NCOA3: variants seen among roughly 807,000 people sequenced by gnomAD.
The protein encoded by NCOA3 is nuclear receptor coactivator 3.
In NCOA3, 51 loss-of-function variants were observed where a neutral mutation model predicts 158.8. The ratio of observed to expected loss-of-function variants is 0.32; its 90% CI spans 0.26 to 0.41. The LOEUF is 0.41. NCOA3 is among the 10% of genes least tolerant of loss of function. The pLI, the probability that NCOA3 is intolerant of heterozygous loss-of-function variation, is 1.00. For synonymous variants in NCOA3, 537 were observed against 592.4 expected (o/e 0.91, Z 1.36); for missense variants, 1,510 against 1,746.6 (o/e 0.86, Z 2.41).
chr20:47,582,670 T>C (rs2085471711), intron 1 of NCOA3, among the ~76,000 whole-genome samples: 1 of 152,114 alleles, frequency 6.6e-6, no homozygotes, highest in African/African-American at 2.4e-5. Flanking sequence ...CCTGGCCCTA[T>C]GCTTGACTTT....
At chr20:47,536,309 T>G (rs943336832) in intron 1 of NCOA3, among the ~76,000 whole-genome samples, 7 of 152,152 alleles carry the variant, frequency 4.6e-5, no homozygotes, top group African/African-American at 1.7e-4. Flanking sequence ...AGAGAGTGTC[T>G]TGCCACATTG....
intron 1 of NCOA3, among the ~76,000 whole-genome samples, chr20:47,557,746 T>C (rs2085029877): frequency 6.6e-6 from 1 of 152,206 alleles, no homozygotes. Flanking sequence ...TGGCTTTAGA[T>C]GTTTAGGTTT....
At chr20:47,508,162 C>T (rs937757578) in intron 1 of NCOA3, among the ~76,000 whole-genome samples, 1 of 152,100 alleles carries the variant, frequency 6.6e-6, no homozygotes, top group African/African-American at 2.4e-5. Flanking sequence ...AAAGACTGTT[C>T]TTATGCTTGG....
rs748498017 is a variant in NCOA3, at chr20:47,654,197, T to C, written c.*780T>C. On this transcript the variant is annotated 3_prime_UTR_variant, in exon 23 of 23. Coordinates refer to ENST00000371998, the MANE Select transcript of NCOA3 (RefSeq NM_181659.3). ...GGTCTTGAGGGAATAGTGAAACACA[T>C]TCCTGGTTTTTGCCTACACTTACGT... 29 of 152,638 alleles carry C rather than the reference T, an allele frequency of 1.9e-4. No homozygotes were observed. Among genetic ancestry groups the C allele is most frequent in the Non-Finnish European group, 3.4e-4 (23 of 68,032 alleles). The allele number at this position is 152,638 out of a possible 1,614,324, so 9.5% of individuals were successfully genotyped here. A position where few individuals can be genotyped will look rare whatever the true frequency, so the allele number is the denominator to read the frequency against.
chr20:47,524,209 C>T (rs1486687007), intron 1 of NCOA3, among the ~76,000 whole-genome samples: 2 of 151,560 alleles, frequency 1.3e-5, no homozygotes, highest in Non-Finnish European at 2.9e-5. Flanking sequence ...CATGTGTTTG[C>T]CAGAATGTAG....
chr20:47,566,658 C>T (rs1219251001), intron 1 of NCOA3, among the ~76,000 whole-genome samples: 1 of 152,044 alleles, frequency 6.6e-6, no homozygotes. Context: ...ACCACAGGCA[C>T]GTGCTACCAT....
At chr20:47,547,206 A>G (rs921159305) in intron 1 of NCOA3, among the ~76,000 whole-genome samples, 3 of 152,108 alleles carry the variant, frequency 2.0e-5, no homozygotes, top group Non-Finnish European at 4.4e-5. Flanking sequence ...GGCATATGGT[A>G]GATGTTCATC....
intron 1 of NCOA3, among the ~76,000 whole-genome samples, chr20:47,524,976 CG>C (rs2084404222): frequency 6.7e-6 from 1 of 149,340 alleles, no homozygotes; most frequent in Admixed American, 6.7e-5. Context: ...GGGTGTTTCT[CG>C]CAGAGGGGGA....
chr20:47,569,169 G>T (rs536724819), intron 1 of NCOA3, among the ~76,000 whole-genome samples: 1 of 152,130 alleles, frequency 6.6e-6, no homozygotes, highest in South Asian at 2.1e-4. Flanking sequence ...AACATAGCAA[G>T]ACCCCATCTC....
At chr20:47,624,135 G>T in intron 4 of NCOA3, 52 bp downstream of exon 4, 2 of 1,512,290 alleles carry the variant, frequency 1.3e-6, no homozygotes, top group Admixed American at 2.1e-5. Flanking sequence ...CAACCTTTTT[G>T]GCACCAGGGA....
chr20:47,644,650 T>C (rs1276952870), intron 17 of NCOA3, among the ~76,000 whole-genome samples: 1 of 152,142 alleles, frequency 6.6e-6, no homozygotes, highest in Non-Finnish European at 1.5e-5. Context: ...CTGAGGGTAA[T>C]TAAGTGGGGA....
rs1301210567 is a variant in NCOA3 at position 47,635,898 on chromosome 20, C to G, written c.1512C>G (p.His504Gln). The G allele has an allele frequency of 1.2e-6, 2 of 1,610,416 alleles. No homozygotes were observed. Among genetic ancestry groups the G allele is most frequent in the Non-Finnish European group, 1.7e-6 (2 of 1,178,298 alleles). ...ATTTTTTTTCAAATTCAGGTGTGCACTCTCCCATGGCATCTTCTGGCAATA... is the reference window on the plus strand; with the variant it reads ...ATTTTTTTTCAAATTCAGGTGTGCAGTCTCCCATGGCATCTTCTGGCAATA... ...SHQFSPVAGV[H>Q]SPMASSGNTG... Residue 504 changes from histidine to glutamine, a missense_variant, in exon 12 of 23, where the codon CAC becomes CAG. Physicochemically the swap from His to Gln is conservative, Grantham distance 24. Coordinates refer to ENST00000371998, the MANE Select transcript of NCOA3 (RefSeq NM_181659.3).
At chr20:47,520,988 A>T (rs1266648787) in intron 1 of NCOA3, among the ~76,000 whole-genome samples, 2 of 152,230 alleles carry the variant, frequency 1.3e-5, no homozygotes, top group Non-Finnish European at 2.9e-5. Flanking sequence ...GTTGTTTGTG[A>T]TCATTCACGC....
intron 1 of NCOA3, among the ~76,000 whole-genome samples, chr20:47,533,421 C>CA (rs1173375218): frequency 6.8e-6 from 1 of 148,148 alleles, no homozygotes; most frequent in Admixed American, 6.8e-5. Flanking sequence ...CAGAAAAGTA[C>CA]AAAAAAATAA....
At chr20:47,634,489 G>A (rs932821354) in intron 10 of NCOA3, among the ~76,000 whole-genome samples, 1 of 152,210 alleles carries the variant, frequency 6.6e-6, no homozygotes, top group Non-Finnish European at 1.5e-5. Flanking sequence ...CTGATAATGT[G>A]TGTTGCTTTG....
chr20:47,608,362 G>A (rs2085982804), intron 2 of NCOA3, among the ~76,000 whole-genome samples: 1 of 151,932 alleles, frequency 6.6e-6, no homozygotes, highest in African/African-American at 2.4e-5. Flanking sequence ...AATGAGTCCG[G>A]CTTGGTGGCT....
At position 47,654,284 on chromosome 20, in the gene NCOA3, A is replaced by G. The variant is rs770047112; in HGVS notation, c.*867A>G. ...TGGTGTCACCCTTTGCCTATATGGT[A>G]GAGCAATAATGCTTTTTAAAAATAA... On this transcript the variant is annotated 3_prime_UTR_variant, in exon 23 of 23. Transcript: ENST00000371998. 3.3e-5 allele frequency: 5 copies of G among 152,654 alleles called. No individual in the cohort carries two copies. The highest frequency in any genetic ancestry group is 7.3e-5 in the Non-Finnish European group (5 of 68,044). The allele number at this position is 152,654 out of a possible 1,614,324, so 9.5% of individuals were successfully genotyped here.
intron 1 of NCOA3, among the ~76,000 whole-genome samples, chr20:47,566,454 G>A (rs1191945158): frequency 1.3e-5 from 2 of 152,066 alleles, no homozygotes; most frequent in Non-Finnish European, 2.9e-5. Context: ...TCTTAGGAGA[G>A]CCCTTCCCAG....
chr20:47,513,675 AAGATCGCGCC>A (rs1471072122), intron 1 of NCOA3, among the ~76,000 whole-genome samples: 1 of 150,092 alleles, frequency 6.7e-6, no homozygotes, highest in Non-Finnish European at 1.5e-5. Context: ...GCAGTGAGCC[AAGATCGCGCC>A]ACTACACTCC....
Sources: allele counts gnomAD v4.1 joint callset (sites outside exome capture counted in the v4.1 genomes callset), GRCh38; gene constraint gnomAD v4.1.1; transcripts MANE v1.5; gene names NCBI Gene and HGNC (gene_info 2026-07-23, HGNC 2026-07-21).